The following TPRG1L variants were observed in gnomAD, a reference collection of about 807,000 sequenced individuals.
TPRG1L encodes tumor protein p63 regulated 1 like.
Under a neutral mutation model 29.4 loss-of-function variants are expected in TPRG1L, and 25 were observed. The ratio of observed to expected loss-of-function variants is 0.85; its 90% CI spans 0.62 to 1.19. The LOEUF (loss-of-function observed/expected upper bound fraction) is 1.19, where lower values mean the gene tolerates loss of function less well. Among genes scored for constraint, TPRG1L ranks in the 50% most tolerant of loss-of-function variants. The pLI, the probability that TPRG1L is intolerant of heterozygous loss-of-function variation, is 0.00. For synonymous variants in TPRG1L, 182 were observed against 151.1 expected (o/e 1.20, Z -1.50); for missense variants, 354 against 364.4 (o/e 0.97, Z 0.23).
At chr1:3,625,918 G>A (rs977037959) in intron 3 of TPRG1L, 29 bp downstream of exon 3, 2 of 1,590,858 alleles carry the variant, frequency 1.3e-6, no homozygotes, top group Non-Finnish European at 8.6e-7. Flanking sequence ...CAGTATCACT[G>A]GACCTAAGCA....
Position 3,625,256 on chromosome 1 carries a change from G to T in TPRG1L, c.184G>T (p.Glu62Ter). The change falls in exon 1 of 5, where the codon GAG (glutamate) becomes TAG (stop). Residue 62 changes from glutamate (E) to a stop codon, truncating the protein, a stop_gained. Transcript: ENST00000378344. LOFTEE classifies it high-confidence loss of function. ...CCCCACGCGCCGCGCCCGCGTCAAG[G>T]AGTACTTCGTGTTCCGGGTGAGGCA... ...HDPTRRARVK[E>*]YFVFRPGSIE... 2.9e-6 allele frequency: 4 copies of T among 1,382,088 alleles called. No individual in the cohort carries two copies. The highest frequency in any genetic ancestry group is 3.7e-6 in the Non-Finnish European group (4 of 1,075,420). The allele number at this position is 1,382,088 out of a possible 1,614,324, so 85.6% of individuals were successfully genotyped here. A position where few individuals can be genotyped will look rare whatever the true frequency, so the allele number is the denominator to read the frequency against.
At position 3,629,790 on chromosome 1, in the gene TPRG1L, C is replaced by T. The variant is rs1383052107; in HGVS notation, c.*1187C>T. On this transcript the variant is annotated 3_prime_UTR_variant, in exon 5 of 5. Transcript: ENST00000378344. ...CTACCACTCTGGTGTAGACAGAGGA[C>T]TTTGTCCAAGTCTCACACTAAACAT... The T allele has an allele frequency of 6.6e-6, 1 of 152,400 alleles. No homozygotes were observed. The highest frequency in any genetic ancestry group is 1.9e-4 in the East Asian group (1 of 5,190). 9.4% of individuals were successfully genotyped at this position (152,400 alleles called of 1,614,324 possible). A position where few individuals can be genotyped will look rare whatever the true frequency, so the allele number is the denominator to read the frequency against.
chr1:3,628,282 A>C (rs1644502861), intron 4 of TPRG1L, 127 bp from the exon 5 acceptor site: 1 of 793,452 alleles, frequency 1.3e-6, no homozygotes, highest in African/African-American at 1.7e-5. Context: ...AGCCCTTTCA[A>C]GTGAAGGGAC....
rs1373068318 is a variant in TPRG1L at position 3,625,245 on chromosome 1, C to T, written c.173C>T (p.Ala58Val). 1 of 1,364,110 alleles carries T rather than the reference C, an allele frequency of 7.3e-7. No homozygotes were observed. Among genetic ancestry groups the T allele is most frequent in the Non-Finnish European group, 9.4e-7 (1 of 1,064,264 alleles). 84.5% of individuals were successfully genotyped at this position (1,364,110 alleles called of 1,614,324 possible). Residue 58 changes from alanine (A) to valine (V), a missense_variant, in exon 1 of 5, where the codon GCC becomes GTC. Transcript: ENST00000378344. ...PLSIHDPTRR[A>V]RVKEYFVFRP... ...AGCATCCACGACCCCACGCGCCGCG[C>T]CCGCGTCAAGGAGTACTTCGTGTTC...
chr1:3,630,073 T>C lies in TPRG1L; in HGVS notation c.*1470T>C, dbSNP rs1197186481. The C allele has an allele frequency of 6.6e-6, 1 of 152,194 alleles. No homozygotes were observed. The highest frequency in any genetic ancestry group is 6.5e-5 in the Admixed American group (1 of 15,278). The allele number at this position is 152,194 out of a possible 1,614,324, so 9.4% of individuals were successfully genotyped here. A position where few individuals can be genotyped will look rare whatever the true frequency, so the allele number is the denominator to read the frequency against. ...CTGTGTTCATAAAGACATTAAGAAG[T>C]GGATGGATGTTGTTCCTTTTTTGAA... On this transcript the variant is annotated 3_prime_UTR_variant, in exon 5 of 5. Coordinates refer to ENST00000378344, the MANE Select transcript of TPRG1L (RefSeq NM_182752.4).
Position 3,628,635 on chromosome 1 carries a change from GGGAGCTCCTCCCCCT to G in TPRG1L, c.*33_*47del. 4 of 308,658 alleles carry G rather than the reference GGGAGCTCCTCCCCCT, an allele frequency of 1.3e-5. No homozygotes were observed. The highest frequency in any genetic ancestry group is 1.5e-5 in the Non-Finnish European group (3 of 202,890). The allele number at this position is 308,658 out of a possible 1,614,324, so 19.1% of individuals were successfully genotyped here. A position where few individuals can be genotyped will look rare whatever the true frequency, so the allele number is the denominator to read the frequency against. On this transcript the variant is annotated 3_prime_UTR_variant, in exon 5 of 5. Transcript: ENST00000378344. ...CGTTCTGGGAGCTCCTCCCCCTTCT[GGGAGCTCCTCCCCCT>G]CCCCAGAAGGCCAAGGGATGTGGGG...
rs61454555 is a variant in TPRG1L at position 3,625,159 on chromosome 1, C to T, written c.87C>T (p.Gly29=). 2.3e-3 allele frequency: 2,877 copies of T among 1,234,204 alleles called. 50 individuals are homozygous for T. The African/African-American group carries it at 0.041, about 18-fold the overall frequency. The allele number at this position is 1,234,204 out of a possible 1,614,324, so 76.5% of individuals were successfully genotyped here. Residue 29 remains glycine (G), a synonymous_variant, in exon 1 of 5, where the codon GGC becomes GGT. Transcript: ENST00000378344. ...CCGGCGAGGAGGTGGGGGCAGGCGGCGGCCCGGGCGGGGGGCGGCCGGGGG... is the reference window on the plus strand; with the variant it reads ...CCGGCGAGGAGGTGGGGGCAGGCGGTGGCCCGGGCGGGGGGCGGCCGGGGG... ...LAAGEEVGAG[G]GPGGGRPGAG...
rs1409578879 is a variant in TPRG1L at position 3,629,922 on chromosome 1, G to C, written c.*1319G>C. 1 of 152,254 alleles carries C rather than the reference G, an allele frequency of 6.6e-6. No homozygotes were observed. The highest frequency in any genetic ancestry group is 1.9e-4 in the East Asian group (1 of 5,196). 9.4% of individuals were successfully genotyped at this position (152,254 alleles called of 1,614,324 possible). A position where few individuals can be genotyped will look rare whatever the true frequency, so the allele number is the denominator to read the frequency against. On this transcript the variant is annotated 3_prime_UTR_variant, in exon 5 of 5. Coordinates refer to ENST00000378344, the MANE Select transcript of TPRG1L (RefSeq NM_182752.4). ...TGGAAGCGCTGTCGATAAGCTTCAC[G>C]CACTGGCTTGCCAGTTCTTCAGCTC...
chr1:3,627,652 A>G lies in TPRG1L; in HGVS notation c.623A>G (p.Gln208Arg). 6.2e-7 allele frequency: 1 copy of G among 1,610,308 alleles called. No homozygotes were observed. Among genetic ancestry groups the G allele is most frequent in the Non-Finnish European group, 8.5e-7 (1 of 1,179,512 alleles). ...GATGAGAAGACAGCATCTCTGTGTC[A>G]GGTAAGAAGACAGGCACATAAATAG... ...GADEKTASLC[Q>R]LESFKALLIQ... Residue 208 changes from glutamine (Q) to arginine (R), a missense_variant and splice_region_variant, in exon 4 of 5, where the codon CAG (glutamine) becomes CGG (arginine). Physicochemically the swap from Gln to Arg is conservative, Grantham distance 43 (BLOSUM62 1). Coordinates refer to ENST00000378344, the MANE Select transcript of TPRG1L (RefSeq NM_182752.4).
At chr1:3,625,594 G>T in intron 2 of TPRG1L, 79 bp downstream of exon 2, 1 of 1,563,618 alleles carries the variant, frequency 6.4e-7, no homozygotes, top group Non-Finnish European at 8.7e-7. Flanking sequence ...ACTTCCCGGG[G>T]TGCTCGTGCC....
rs1644475117 is a variant in TPRG1L at position 3,625,288 on chromosome 1, A to G, written c.201+15A>G. The G allele has an allele frequency of 7.1e-7, 1 of 1,408,986 alleles. No homozygotes were observed. The highest frequency in any genetic ancestry group is 9.1e-7 in the Non-Finnish European group (1 of 1,092,910). The allele number at this position is 1,408,986 out of a possible 1,614,324, so 87.3% of individuals were successfully genotyped here. On this transcript the variant is annotated intron_variant, in intron 1 of 4. Coordinates refer to ENST00000378344, the MANE Select transcript of TPRG1L (RefSeq NM_182752.4). Reference sequence around the variant, plus strand: ...TCGTGTTCCGGGTGAGGCAGGGGCCAGGGCCGGGGCGGGGGCCGAGGGCGC... The same window carrying G: ...TCGTGTTCCGGGTGAGGCAGGGGCCGGGGCCGGGGCGGGGGCCGAGGGCGC...
chr1:3,626,900 TTAATCATGTAAAG>T (rs1244549537), intron 3 of TPRG1L, among the ~76,000 whole-genome samples: 2 of 152,180 alleles, frequency 1.3e-5, no homozygotes, highest in Admixed American at 1.3e-4. Context: ...TTATTAATTT[TTAATCATGTAAAG>T]ATTACCAAAA....
In TPRG1L at chr1:3,628,530, TG is replaced by T. The variant is rs1557449858; in HGVS notation, c.749del (p.Gly250AspfsTer16). On this transcript the variant is annotated frameshift_variant, in exon 5 of 5. Coordinates refer to ENST00000378344, the MANE Select transcript of TPRG1L (RefSeq NM_182752.4). LOFTEE classifies it high-confidence loss of function. ...LERPLLIETY[V>X]GLMSFINNEA... ...CGCCCCCTGCTCATCGAGACCTACG[TG>T]GGACTCATGTCCTTCATTAACAACG... 6.2e-7 allele frequency: 1 copy of T among 1,613,732 alleles called. No homozygotes were observed. Among genetic ancestry groups the T allele is most frequent in the East Asian group, 2.2e-5 (1 of 44,866 alleles).
At chr1:3,626,269 A>C (rs1175590306) in intron 3 of TPRG1L, among the ~76,000 whole-genome samples, 1 of 152,256 alleles carries the variant, frequency 6.6e-6, no homozygotes, top group Non-Finnish European at 1.5e-5. Flanking sequence ...TGCTCTGGCT[A>C]ATTTTTTAAA....
rs1128473 is a variant in TPRG1L, at chr1:3,628,868, G to A, written c.*265G>A. 1,038 of 343,132 alleles carry A rather than the reference G, an allele frequency of 3.0e-3. 8 individuals are homozygous for A. The highest frequency in any genetic ancestry group is 0.016 in the South Asian group (202 of 12,458). The allele number at this position is 343,132 out of a possible 1,614,324, so 21.3% of individuals were successfully genotyped here. ...AGACTCTCGCTGTCCCTGTGCTGCT[G>A]GTATTTCATTCTCTGTAACTTCAGT... On this transcript the variant is annotated 3_prime_UTR_variant, in exon 5 of 5. Transcript: ENST00000378344.
intron 3 of TPRG1L, among the ~76,000 whole-genome samples, chr1:3,626,979 T>G (rs1644494384): frequency 6.6e-6 from 1 of 152,214 alleles, no homozygotes; most frequent in Non-Finnish European, 1.5e-5. Context: ...CCCACAGTAT[T>G]TAAAGCAATT....
chr1:3,628,375 A>G (rs1459242338), intron 4 of TPRG1L, 34 bp from the exon 5 acceptor site: 1 of 1,535,600 alleles, frequency 6.5e-7, no homozygotes, highest in Non-Finnish European at 8.9e-7. Flanking sequence ...ATCTTGCCTG[A>G]CAGTTAAAGC....
chr1:3,627,931 G>T (rs1026634068), intron 4 of TPRG1L, among the ~76,000 whole-genome samples: 2 of 152,246 alleles, frequency 1.3e-5, no homozygotes, highest in Non-Finnish European at 2.9e-5. Context: ...ATCTGGGTGG[G>T]GAAGGGCCCC....
chr1:3,626,766 A>G (rs1216859209), intron 3 of TPRG1L, among the ~76,000 whole-genome samples: 2 of 151,698 alleles, frequency 1.3e-5, no homozygotes, highest in African/African-American at 4.8e-5. Context: ...TTTTGTAGAG[A>G]TGGGGTTTTG....
Sources: allele counts gnomAD v4.1 joint callset (sites outside exome capture counted in the v4.1 genomes callset), GRCh38; gene constraint gnomAD v4.1.1; transcripts MANE v1.5; gene names NCBI Gene and HGNC (gene_info 2026-07-23, HGNC 2026-07-21).